Variants in FNDC3B observed in about 807,000 individuals in gnomAD.
FNDC3B encodes the protein fibronectin type III domain-containing protein 3B.
In FNDC3B, 12 loss-of-function variants were observed where a neutral mutation model predicts 151.5. The ratio of observed to expected loss-of-function variants is 0.08; its 90% CI spans 0.05 to 0.13. The LOEUF is 0.13. Among genes scored for constraint, FNDC3B ranks in the 10% least tolerant of loss-of-function variants. The pLI, the probability that FNDC3B is intolerant of heterozygous loss-of-function variation, is 1.00. For missense variants in FNDC3B, 1,214 were observed against 1,505.3 expected (o/e 0.81, Z 3.20); for synonymous variants, 528 against 549.0 (o/e 0.96, Z 0.54).
At position 172,310,946 on chromosome 3, in the gene FNDC3B, T is replaced by C. The variant is rs368689175; in HGVS notation, c.1254+65T>C. ...TCAAAAACAAAATTAACTGAACAAA[T>C]GCCATCTTATTCTTTTATAAGACAT... On this transcript the variant is annotated intron_variant, in intron 11 of 25. Coordinates refer to ENST00000415807, the MANE Select transcript of FNDC3B (RefSeq NM_022763.4). The C allele has an allele frequency of 7.3e-6, 8 of 1,102,944 alleles. No homozygotes were observed. In the African/African-American group the frequency reaches 1.1e-4, roughly 15 times the overall value. 68.3% of individuals were successfully genotyped at this position (1,102,944 alleles called of 1,614,324 possible).
chr3:172,178,811 A>G (rs1723738305), intron 3 of FNDC3B, among the ~76,000 whole-genome samples: 1 of 152,182 alleles, frequency 6.6e-6, no homozygotes, highest in African/African-American at 2.4e-5. Context: ...TATGGGTAAA[A>G]AGCCTGTGCC....
chr3:172,244,699 A>G (rs1233963442), intron 4 of FNDC3B, among the ~76,000 whole-genome samples: 1 of 126,048 alleles, frequency 7.9e-6, no homozygotes, highest in Non-Finnish European at 1.5e-5. Flanking sequence ...ATCTTGGCTC[A>G]CTGCAGCCTC....
chr3:172,071,692 TG>T (rs1159601576), intron 1 of FNDC3B, among the ~76,000 whole-genome samples: 2 of 152,178 alleles, frequency 1.3e-5, no homozygotes, highest in African/African-American at 2.4e-5. Context: ...GCATGGAGGC[TG>T]GTTGTCACAC....
chr3:172,197,924 A>G (rs1175480850), intron 3 of FNDC3B, among the ~76,000 whole-genome samples: 1 of 152,210 alleles, frequency 6.6e-6, no homozygotes, highest in Non-Finnish European at 1.5e-5. Flanking sequence ...CATTGTAATG[A>G]GTAAATATTT....
At chr3:172,267,090 A>G (rs1466154365) in intron 6 of FNDC3B, among the ~76,000 whole-genome samples, 1 of 152,192 alleles carries the variant, frequency 6.6e-6, no homozygotes, top group Non-Finnish European at 1.5e-5. Flanking sequence ...AACACAGGCC[A>G]AGAATCATTT....
At chr3:172,206,766 G>A (rs373888600) in intron 3 of FNDC3B, among the ~76,000 whole-genome samples, 9 of 150,738 alleles carry the variant, frequency 6.0e-5, no homozygotes, top group Non-Finnish European at 1.3e-4. Context: ...GATGTTTTAT[G>A]CAGTTTGTAT....
intron 1 of FNDC3B, among the ~76,000 whole-genome samples, chr3:172,096,129 T>A (rs1199678727): frequency 2.0e-5 from 3 of 152,224 alleles, no homozygotes; most frequent in Non-Finnish European, 4.4e-5. Flanking sequence ...AATTAAGTAT[T>A]CTGGGGCAAA....
intron 1 of FNDC3B, among the ~76,000 whole-genome samples, chr3:172,109,279 C>G (rs1475147847): frequency 6.6e-6 from 1 of 151,712 alleles, no homozygotes; most frequent in Non-Finnish European, 1.5e-5. Flanking sequence ...CATTCTCCTG[C>G]CTCAGCCTCC....
At chr3:172,186,375 C>T (rs979487842) in intron 3 of FNDC3B, among the ~76,000 whole-genome samples, 28 of 152,232 alleles carry the variant, frequency 1.8e-4, no homozygotes, top group African/African-American at 6.3e-4. Context: ...CTAAAAGCAT[C>T]GGAAATACTT....
At chr3:172,387,300 G>A (rs1735767559) in intron 25 of FNDC3B, among the ~76,000 whole-genome samples, 1 of 152,016 alleles carries the variant, frequency 6.6e-6, no homozygotes, top group African/African-American at 2.4e-5. Context: ...TTTTCACCAT[G>A]TTGGCCAGGC....
intron 2 of FNDC3B, among the ~76,000 whole-genome samples, chr3:172,118,561 G>A (rs1490295295): frequency 6.6e-6 from 1 of 152,228 alleles, no homozygotes; most frequent in Non-Finnish European, 1.5e-5. Flanking sequence ...AAAAGAGACT[G>A]CAGCTATTAT....
chr3:172,190,640 T>G (rs971822435), intron 3 of FNDC3B, among the ~76,000 whole-genome samples: 4 of 152,054 alleles, frequency 2.6e-5, no homozygotes, highest in Non-Finnish European at 4.4e-5. Context: ...TGCCTTGGTT[T>G]GATAACCATT....
Position 172,377,055 on chromosome 3 carries a change from G to T in FNDC3B, c.3009-1215G>T, listed in dbSNP as rs149605469. Among the ~76,000 whole-genome samples the T allele has an allele frequency of 7.5e-4, 114 of 152,264 alleles. 1 individual carries two copies. In the Middle Eastern group the frequency reaches 0.017, roughly 23 times the overall value. The stretch of plus-strand genomic sequence containing the variant: ...TAGGTCTTATTCATCTTTCAAATCC[G>T]CAGAGCCTAGCACACAGCAGATGTT... On this transcript the variant is annotated intron_variant, in intron 23 of 25. Transcript: ENST00000415807.
At chr3:172,047,379 A>G (rs970439220) in intron 1 of FNDC3B, among the ~76,000 whole-genome samples, 2 of 152,248 alleles carry the variant, frequency 1.3e-5, no homozygotes, top group African/African-American at 4.8e-5. Flanking sequence ...GCAATTATCT[A>G]GGCAAGGCTA....
chr3:172,300,859 CT>C (rs1340523057), intron 9 of FNDC3B, among the ~76,000 whole-genome samples: 3 of 152,164 alleles, frequency 2.0e-5, no homozygotes, highest in Non-Finnish European at 4.4e-5. Context: ...CAGATTTAGT[CT>C]TTGTGCACTG....
At chr3:172,255,381 G>C (rs1472832692) in intron 6 of FNDC3B, among the ~76,000 whole-genome samples, 1 of 152,088 alleles carries the variant, frequency 6.6e-6, no homozygotes. Context: ...CGATTCTTCT[G>C]CCTCAGCCTC....
At chr3:172,131,095 T>C (rs1721069638) in intron 2 of FNDC3B, among the ~76,000 whole-genome samples, 1 of 152,180 alleles carries the variant, frequency 6.6e-6, no homozygotes, top group African/African-American at 2.4e-5. Context: ...AAAAGCTCCT[T>C]TTCAAGAAAA....
intron 1 of FNDC3B, among the ~76,000 whole-genome samples, chr3:172,050,410 G>A (rs1716583814): frequency 6.7e-6 from 1 of 149,884 alleles, no homozygotes; most frequent in Non-Finnish European, 1.5e-5. Context: ...TTAAGATGGT[G>A]TCTCACTCTG....
intron 3 of FNDC3B, among the ~76,000 whole-genome samples, chr3:172,202,154 G>C (rs1171180677): frequency 6.6e-6 from 1 of 152,128 alleles, no homozygotes; most frequent in Non-Finnish European, 1.5e-5. Context: ...GCCATCATGA[G>C]GCAGGAACTT....
Sources: allele counts gnomAD v4.1 joint callset (sites outside exome capture counted in the v4.1 genomes callset), GRCh38; gene constraint gnomAD v4.1.1; transcripts MANE v1.5; gene names NCBI Gene and HGNC (gene_info 2026-07-23, HGNC 2026-07-21).